Variants in RAPGEF5 observed in about 807,000 individuals in gnomAD.
RAPGEF5 encodes Rap guanine nucleotide exchange factor 5.
A neutral mutation model predicts 125.2 loss-of-function variants in RAPGEF5; 65 were observed. That is an observed-to-expected ratio of 0.52 (90% confidence interval 0.43 to 0.64). The LOEUF (loss-of-function observed/expected upper bound fraction) is 0.64, where lower values mean the gene tolerates loss of function less well. Among genes scored for constraint, RAPGEF5 ranks in the 30% least tolerant of loss-of-function variants. RAPGEF5 has a pLI of 0.00. For synonymous variants in RAPGEF5, 391 were observed against 385.9 expected (o/e 1.01, Z -0.16); for missense variants, 958 against 1,048.1 (o/e 0.91, Z 1.19).
At chr7:22,348,262 G>A (rs992791759) in intron 1 of RAPGEF5, among the ~76,000 whole-genome samples, 1 of 152,184 alleles carries the variant, frequency 6.6e-6, no homozygotes, top group African/African-American at 2.4e-5. Context: ...GTAATTCCAT[G>A]CAGGTAATCA....
At chr7:22,204,438 G>GAAA in intron 9 of RAPGEF5, among the ~76,000 whole-genome samples, 1 of 152,174 alleles carries the variant, frequency 6.6e-6, no homozygotes, top group African/African-American at 2.4e-5. Context: ...CTGCATGTGT[G>GAAA]TACGTGAGGA....
At position 22,230,886 on chromosome 7, in the gene RAPGEF5, T is replaced by C. The variant is rs199731557; in HGVS notation, c.830A>G (p.His277Arg). Residue 277 changes from histidine to arginine, a missense_variant, in exon 8 of 26, where the codon CAT becomes CGT. Coordinates refer to ENST00000665637, the MANE Select transcript of RAPGEF5 (RefSeq NM_012294.5). ...ACTTTCGGCTTCTGTTACAGCTACATGTTTGTCGTTGTTTTCTTCATCTTG... is the reference window on the plus strand; with the variant it reads ...ACTTTCGGCTTCTGTTACAGCTACACGTTTGTCGTTGTTTTCTTCATCTTG... ...IEQDEENNDK[H>R]VAVTEAESVP... 5.4e-4 allele frequency: 842 copies of C among 1,564,498 alleles called. 1 individual carries two copies. Among genetic ancestry groups the C allele is most frequent in the Non-Finnish European group, 6.8e-4 (785 of 1,152,514 alleles).
chr7:22,313,876 G>C (rs1783530547), intron 3 of RAPGEF5, among the ~76,000 whole-genome samples: 1 of 152,130 alleles, frequency 6.6e-6, no homozygotes, highest in Non-Finnish European at 1.5e-5. Context: ...AACCACCACA[G>C]CCCTTTTACT....
intron 9 of RAPGEF5, among the ~76,000 whole-genome samples, chr7:22,211,234 A>T (rs1330998610): frequency 6.6e-6 from 1 of 152,228 alleles, no homozygotes; most frequent in African/African-American, 2.4e-5. Context: ...ATCTTTTATA[A>T]ATTTCTTTTC....
chr7:22,220,128 C>T, intron 8 of RAPGEF5, 137 bp from the exon 9 acceptor site: 1 of 1,213,862 alleles, frequency 8.2e-7, no homozygotes, highest in Non-Finnish European at 1.1e-6. Context: ...AAATATTTTG[C>T]CTTTCAAAAA....
intron 1 of RAPGEF5, among the ~76,000 whole-genome samples, chr7:22,326,877 C>T (rs532787220): frequency 1.6e-4 from 24 of 152,072 alleles, no homozygotes; most frequent in African/African-American, 5.5e-4. Flanking sequence ...AGTGCTCTTA[C>T]CACAAAAAAA....
At chr7:22,276,271 T>C (rs1782553234) in intron 6 of RAPGEF5, among the ~76,000 whole-genome samples, 1 of 152,200 alleles carries the variant, frequency 6.6e-6, no homozygotes, top group Non-Finnish European at 1.5e-5. Context: ...CATAAATGAT[T>C]CTCAGGTGGA....
At chr7:22,136,871 G>A in intron 22 of RAPGEF5, 62 bp downstream of exon 22, 1 of 1,382,312 alleles carries the variant, frequency 7.2e-7, no homozygotes, top group Non-Finnish European at 1.0e-6. Flanking sequence ...CTATAATGTA[G>A]AAAGAAACTA....
chr7:22,149,383 A>G (rs552113832), intron 18 of RAPGEF5, among the ~76,000 whole-genome samples: 1 of 152,346 alleles, frequency 6.6e-6, no homozygotes, highest in Non-Finnish European at 1.5e-5. Flanking sequence ...GACCCGCCCC[A>G]GCGATGGCTC....
intron 2 of RAPGEF5, among the ~76,000 whole-genome samples, chr7:22,317,242 C>CTT (rs67830846): frequency 6.7e-5 from 9 of 134,136 alleles, no homozygotes; most frequent in Admixed American, 1.5e-4. Context: ...CTTTTTTTTT[C>CTT]TTTTTTTTTT....
At position 22,340,318 on chromosome 7, in the gene RAPGEF5, C is replaced by T. The variant is rs190772144; in HGVS notation, c.231+16512G>A. ...GGAGAGGAGAACAAGACAACAGGAA[C>T]CACAAAGCCAAAGGAAACCTAACCC... On this transcript the variant is annotated intron_variant, in intron 1 of 25. Transcript: ENST00000665637. Among the ~76,000 whole-genome samples, 400 of 152,224 alleles carry T rather than the reference C, an allele frequency of 2.6e-3. 2 individuals are homozygous for T. The highest frequency in any genetic ancestry group is 2.1e-3 in the Non-Finnish European group (144 of 68,012).
chr7:22,162,670 G>T (rs996817734), intron 12 of RAPGEF5, 129 bp from the exon 13 acceptor site: 1 of 927,716 alleles, frequency 1.1e-6, no homozygotes, highest in Non-Finnish European at 1.6e-6. Flanking sequence ...TAGAATATGC[G>T]TAGGGAGAGC....
chr7:22,338,091 T>A (rs184869111), intron 1 of RAPGEF5, among the ~76,000 whole-genome samples: 23 of 152,376 alleles, frequency 1.5e-4, no homozygotes, highest in Admixed American at 2.0e-4. Flanking sequence ...ATTAGAAGGA[T>A]ACTTACCTGC....
chr7:22,130,204 T>TA (rs34380052), intron 24 of RAPGEF5, among the ~76,000 whole-genome samples: 7 of 152,206 alleles, frequency 4.6e-5, no homozygotes, highest in Non-Finnish European at 1.0e-4. Flanking sequence ...TCTATGACAC[T>TA]AAAGTTCATC....
intron 6 of RAPGEF5, among the ~76,000 whole-genome samples, chr7:22,280,400 C>G (rs778330936): frequency 6.6e-6 from 1 of 152,122 alleles, no homozygotes; most frequent in Admixed American, 6.6e-5. Context: ...TCAACAAAAC[C>G]AACCCTGGCC....
At chr7:22,156,167 G>A (rs1380725790) in intron 16 of RAPGEF5, among the ~76,000 whole-genome samples, 1 of 152,218 alleles carries the variant, frequency 6.6e-6, no homozygotes, top group African/African-American at 2.4e-5. Flanking sequence ...TGAGGCAAAA[G>A]AGAGAGTCTG....
At chr7:22,339,639 G>C (rs35053248) in intron 1 of RAPGEF5, among the ~76,000 whole-genome samples, 33,550 of 152,202 alleles carry the variant, frequency 0.22, 4,059 homozygotes, top group South Asian at 0.28. Context: ...GGTGCTGCCT[G>C]CAGTACACAC....
chr7:22,141,498 C>A (rs982609558), intron 20 of RAPGEF5, among the ~76,000 whole-genome samples: 6 of 152,206 alleles, frequency 3.9e-5, no homozygotes, highest in Non-Finnish European at 5.9e-5. Flanking sequence ...GCCCTGCCTA[C>A]ACTGGCATGC....
intron 7 of RAPGEF5, among the ~76,000 whole-genome samples, chr7:22,239,046 C>T (rs1186044040): frequency 6.6e-6 from 1 of 152,134 alleles, no homozygotes. Flanking sequence ...CTACTAAGAA[C>T]TAAGGAATCT....
Sources: allele counts gnomAD v4.1 joint callset (sites outside exome capture counted in the v4.1 genomes callset), GRCh38; gene constraint gnomAD v4.1.1; transcripts MANE v1.5; gene names NCBI Gene and HGNC (gene_info 2026-07-23, HGNC 2026-07-21).